The following OXR1 variants were observed in gnomAD, a reference collection of about 807,000 sequenced individuals.
OXR1 encodes the protein oxidation resistance 1, also known as oxidation resistance protein 1.
In OXR1, 41 loss-of-function variants were observed where a neutral mutation model predicts 104.6. The ratio of observed to expected loss-of-function variants is 0.39; its 90% confidence interval spans 0.31 to 0.51. The LOEUF is 0.51. Among genes scored for constraint, OXR1 ranks in the 20% least tolerant of loss-of-function variants. The pLI is 0.77. For missense variants in OXR1, 955 were observed against 1,031.9 expected, an observed-to-expected ratio of 0.93 and a Z score of 1.02; for synonymous variants, 348 against 348.4, an observed-to-expected ratio of 1.00 and a Z score of 0.01.
chr8:106,294,865 C>T (rs1026590290), intron 1 of OXR1, among the ~76,000 whole-genome samples: 2 of 152,124 alleles, frequency 1.3e-5, no homozygotes, highest in African/African-American at 4.8e-5. Context: ...CACTTTTATG[C>T]GGCCTTTCAT....
intron 2 of OXR1, among the ~76,000 whole-genome samples, chr8:106,402,962 A>G (rs899895607): frequency 6.6e-6 from 1 of 152,144 alleles, no homozygotes; most frequent in African/African-American, 2.4e-5. Flanking sequence ...CTGGGACTAC[A>G]GGCGTCCACC....
intron 2 of OXR1, among the ~76,000 whole-genome samples, chr8:106,368,083 T>C (rs1816552521): frequency 6.6e-6 from 1 of 152,192 alleles, no homozygotes; most frequent in African/African-American, 2.4e-5. Flanking sequence ...TGAGAGTTCA[T>C]ATGAAATGTA....
At chr8:106,612,840 A>G (rs1448227520) in intron 3 of OXR1, among the ~76,000 whole-genome samples, 1 of 152,128 alleles carries the variant, frequency 6.6e-6, no homozygotes, top group Non-Finnish European at 1.5e-5. Context: ...CTAAGATTCT[A>G]GTTTTACAGG....
intron 1 of OXR1, among the ~76,000 whole-genome samples, chr8:106,357,903 T>G (rs1816047609): frequency 6.6e-6 from 1 of 152,132 alleles, no homozygotes; most frequent in Admixed American, 6.5e-5. Flanking sequence ...TGGCAGACGC[T>G]GCTAGTTTTC....
chr8:106,410,728 A>G (rs374779696), intron 2 of OXR1, among the ~76,000 whole-genome samples: 3 of 152,282 alleles, frequency 2.0e-5, no homozygotes, highest in South Asian at 2.1e-4. Context: ...ACTTACTGGT[A>G]TAAGAAAAAG....
chr8:106,477,921 G>T (rs1563548382), intron 2 of OXR1, among the ~76,000 whole-genome samples: 1 of 151,830 alleles, frequency 6.6e-6, no homozygotes, highest in Admixed American at 6.6e-5. Context: ...AGCTGTTATT[G>T]TTTGTTATTG....
chr8:106,476,331 A>G (rs1282704836), intron 2 of OXR1, among the ~76,000 whole-genome samples: 1 of 151,942 alleles, frequency 6.6e-6, no homozygotes, highest in African/African-American at 2.4e-5. Flanking sequence ...CTTGAATTCA[A>G]TAACTCAAAG....
At chr8:106,455,550 C>T (rs1204946932) in intron 2 of OXR1, among the ~76,000 whole-genome samples, 2 of 151,720 alleles carry the variant, frequency 1.3e-5, no homozygotes, top group Non-Finnish European at 2.9e-5. Context: ...TGTCTGAATT[C>T]CTGATGTTAG....
chr8:106,681,067 T>C (rs556428667), intron 4 of OXR1, among the ~76,000 whole-genome samples: 18 of 152,332 alleles, frequency 1.2e-4, no homozygotes, highest in Non-Finnish European at 2.5e-4. Context: ...ATCTTTGTTT[T>C]TCTGCATCCT....
chr8:106,555,947 T>TATATATATAC lies in OXR1; in HGVS notation c.220+36809_220+36810insTATATATACA, dbSNP rs1467087631. Among the ~76,000 whole-genome samples the TATATATATAC allele has an allele frequency of 1.9e-3, 80 of 41,072 alleles. 1 individual carries two copies. The East Asian group carries it at 0.11, about 54-fold the overall frequency. The allele number at this position is 41,072 out of a possible 152,430, so 26.9% of individuals were successfully genotyped here. A position where few individuals can be genotyped will look rare whatever the true frequency, so the allele number is the denominator to read the frequency against. On this transcript the variant is annotated intron_variant, in intron 3 of 16. Transcript: ENST00000517566. The stretch of plus-strand genomic sequence containing the variant: ...ATATATGTACATATATATATATATA[T>TATATATATAC]ACACAATGGAATATTAAACTATAAA...
chr8:106,674,098 A>C (rs187341354), intron 3 of OXR1, among the ~76,000 whole-genome samples: 2 of 152,176 alleles, frequency 1.3e-5, no homozygotes, highest in Non-Finnish European at 2.9e-5. Context: ...AGACCTCAGA[A>C]TGGTAAATCC....
chr8:106,737,381 T>A, intron 11 of OXR1, 139 bp from the exon 12 acceptor site: 1 of 410,184 alleles, frequency 2.4e-6, no homozygotes, highest in Non-Finnish European at 4.3e-6. Context: ...TCTTGGATTT[T>A]CAACATAGAG....
At chr8:106,332,253 T>G (rs995565392) in intron 1 of OXR1, among the ~76,000 whole-genome samples, 1 of 152,186 alleles carries the variant, frequency 6.6e-6, no homozygotes, top group Non-Finnish European at 1.5e-5. Context: ...AAGCTGTGTT[T>G]TAATAATCTG....
chr8:106,274,159 G>A (rs552579842), intron 1 of OXR1, among the ~76,000 whole-genome samples: 2 of 152,260 alleles, frequency 1.3e-5, no homozygotes, highest in South Asian at 4.2e-4. Flanking sequence ...TTCTCGTATT[G>A]TATTTAATTT....
chr8:106,411,416 A>C (rs551948088), intron 2 of OXR1, among the ~76,000 whole-genome samples: 1 of 152,330 alleles, frequency 6.6e-6, no homozygotes, highest in East Asian at 1.9e-4. Flanking sequence ...ACATGATGGC[A>C]TATAATTGGC....
Position 106,379,537 on chromosome 8 carries a change from C to CTTTTTT in OXR1, c.23+19915_23+19920dup, listed in dbSNP as rs60855438. On this transcript the variant is annotated intron_variant, in intron 2 of 16. Coordinates refer to ENST00000517566, the MANE Select transcript of OXR1 (RefSeq NM_001198533.2). ...CTTTTTTTTACTTTTTTCTTTCTTT[C>CTTTTTT]TTTTTTTTTTTTTTTTTTTGAGACA... 3.6e-3 allele frequency among the ~76,000 whole-genome samples: 385 copies of CTTTTTT among 108,358 alleles called. 2 individuals are homozygous for CTTTTTT. Among genetic ancestry groups the CTTTTTT allele is most frequent in the African/African-American group, 0.011 (305 of 27,354 alleles). 71.1% of individuals were successfully genotyped at this position (108,358 alleles called of 152,430 possible). A position where few individuals can be genotyped will look rare whatever the true frequency, so the allele number is the denominator to read the frequency against.
chr8:106,435,328 G>A (rs996469932), intron 2 of OXR1, among the ~76,000 whole-genome samples: 14 of 152,102 alleles, frequency 9.2e-5, no homozygotes, highest in African/African-American at 3.4e-4. Context: ...CTTACTTGCC[G>A]ACCTTACTGC....
intron 10 of OXR1, among the ~76,000 whole-genome samples, chr8:106,711,751 G>A (rs2131400060): frequency 6.6e-6 from 1 of 152,202 alleles, no homozygotes; most frequent in East Asian, 1.9e-4. Context: ...TACAAAGGAT[G>A]TGAAAAAGGC....
chr8:106,630,384 T>C (rs1470626528), intron 3 of OXR1, among the ~76,000 whole-genome samples: 2 of 152,178 alleles, frequency 1.3e-5, no homozygotes, highest in Admixed American at 1.3e-4. Flanking sequence ...CTAAGAAAAC[T>C]GGGGCACAGG....
Sources: gnomAD v4.1 joint callset for allele counts (sites outside exome capture counted in the v4.1 genomes callset) on GRCh38, gnomAD v4.1.1 for gene constraint, MANE v1.5 for transcripts, NCBI Gene and HGNC (gene_info 2026-07-23, HGNC 2026-07-21) for gene names.